Variants in ARMC9 observed in about 807,000 individuals in gnomAD.
ARMC9 encodes the protein lisH domain-containing protein ARMC9.
A neutral mutation model predicts 107.0 loss-of-function variants in ARMC9; 94 were observed. The ratio of observed to expected loss-of-function variants is 0.88; its 90% CI spans 0.74 to 1.04. The LOEUF is 1.04. Among genes scored for constraint, ARMC9 ranks in the 50% least tolerant of loss-of-function variants. The pLI, the probability that ARMC9 is intolerant of heterozygous loss-of-function variation, is 0.00. For missense variants in ARMC9, 942 were observed against 1,030.1 expected (o/e 0.91, Z 1.17); for synonymous variants, 380 against 396.9 (o/e 0.96, Z 0.51).
intron 19 of ARMC9, among the ~76,000 whole-genome samples, chr2:231,310,452 C>CA (rs397959849): frequency 2.2e-5 from 1 of 46,190 alleles, no homozygotes; most frequent in South Asian, 3.4e-4. Flanking sequence ...AAGCTATGGG[C>CA]GGGTGCAATG....
chr2:231,352,701 AGATAGAT>A (rs1321276075), intron 21 of ARMC9, among the ~76,000 whole-genome samples: 2 of 143,738 alleles, frequency 1.4e-5, no homozygotes, highest in Non-Finnish European at 3.0e-5. Context: ...ATAGATAGAT[AGATAGAT>A]GATAGGTAGG....
At chr2:231,238,994 G>A (rs2036024085) in intron 8 of ARMC9, among the ~76,000 whole-genome samples, 1 of 152,224 alleles carries the variant, frequency 6.6e-6, no homozygotes, top group Non-Finnish European at 1.5e-5. Context: ...GATGAGCAAG[G>A]GGTGGGAGAG....
intron 11 of ARMC9, among the ~76,000 whole-genome samples, chr2:231,259,358 G>A (rs2038126396): frequency 6.6e-6 from 1 of 152,210 alleles, no homozygotes; most frequent in Admixed American, 6.5e-5. Flanking sequence ...GCACCTGTGT[G>A]TAGCCCTTTC....
rs2046059153 is a variant in ARMC9 at position 231,372,493 on chromosome 2, C to G, written c.*958C>G. The G allele has an allele frequency of 6.6e-6, 1 of 152,426 alleles. No homozygotes were observed. The highest frequency in any genetic ancestry group is 2.4e-5 in the African/African-American group (1 of 41,572). The allele number at this position is 152,426 out of a possible 1,614,324, so 9.4% of individuals were successfully genotyped here. Reference sequence around the variant, plus strand: ...CCAGGGAGCACCCTCTGCCTCCCTCCCTGCACTGGGACCATAAACATAAAC... The same window carrying G: ...CCAGGGAGCACCCTCTGCCTCCCTCGCTGCACTGGGACCATAAACATAAAC... On this transcript the variant is annotated 3_prime_UTR_variant, in exon 25 of 25. Coordinates refer to ENST00000611582, the MANE Select transcript of ARMC9 (RefSeq NM_001352754.2).
At chr2:231,327,583 A>T (rs779206758) in intron 19 of ARMC9, among the ~76,000 whole-genome samples, 8 of 152,134 alleles carry the variant, frequency 5.3e-5, no homozygotes, top group Non-Finnish European at 1.2e-4. Flanking sequence ...CTCTTGTTGA[A>T]GGGCATCTAC....
At position 231,305,919 on chromosome 2, in the gene ARMC9, A is replaced by T. The variant is rs1455806866; in HGVS notation, c.1773+9666A>T. ...TCATCACTCATCAATATTTAAACAAACTCATCTTGTTTAAATAGTCAAATT... is the reference window on the plus strand; with the variant it reads ...TCATCACTCATCAATATTTAAACAATCTCATCTTGTTTAAATAGTCAAATT... On this transcript the variant is annotated intron_variant, in intron 19 of 24. Transcript: ENST00000611582. 2.0e-5 allele frequency among the ~76,000 whole-genome samples: 3 copies of T among 152,188 alleles called. No individual in the cohort carries two copies. The East Asian group carries it at 5.8e-4, about 29-fold the overall frequency.
At chr2:231,350,943 A>ATTTTTTTTTTT (rs2045041849) in intron 21 of ARMC9, among the ~76,000 whole-genome samples, 1 of 108,532 alleles carries the variant, frequency 9.2e-6, no homozygotes, top group African/African-American at 4.0e-5. Flanking sequence ...CAAAGTGACA[A>ATTTTTTTTTTT]TTCTTTTTTT....
chr2:231,353,978 T>TACAC (rs537007134), intron 21 of ARMC9, among the ~76,000 whole-genome samples: 21 of 138,302 alleles, frequency 1.5e-4, no homozygotes, highest in African/African-American at 4.1e-4. Flanking sequence ...TATATGTATA[T>TACAC]ATACACACAC....
At chr2:231,356,295 G>A (rs899315546) in intron 22 of ARMC9, among the ~76,000 whole-genome samples, 6 of 152,174 alleles carry the variant, frequency 3.9e-5, no homozygotes, top group African/African-American at 1.4e-4. Flanking sequence ...AAGGCCAGCC[G>A]CCTGCTGGAA....
At chr2:231,335,025 C>T (rs564192563) in intron 20 of ARMC9, among the ~76,000 whole-genome samples, 9 of 152,290 alleles carry the variant, frequency 5.9e-5, no homozygotes, top group African/African-American at 1.7e-4. Context: ...AAGATGTTGG[C>T]GTTTTGAAAC....
Position 231,358,148 on chromosome 2 carries a change from G to A in ARMC9, c.2131+2214G>A, listed in dbSNP as rs77584496. Among the ~76,000 whole-genome samples, 1,951 of 152,246 alleles carry A rather than the reference G, an allele frequency of 0.013. 45 individuals are homozygous for A. Among genetic ancestry groups the A allele is most frequent in the African/African-American group, 0.043 (1,796 of 41,524 alleles). On this transcript the variant is annotated intron_variant, in intron 22 of 24. Coordinates refer to ENST00000611582, the MANE Select transcript of ARMC9 (RefSeq NM_001352754.2). The surrounding 1 kb of genome is among the most constrained non-coding windows in gnomAD (Gnocchi z 4.5). ...GCTCCATCTGGGCTTTGCAGATAGG[G>A]GGACTGCGGTTAAGTCCATTAAGCC...
chr2:231,256,214 C>T, intron 9 of ARMC9: 1 of 1,529,730 alleles, frequency 6.5e-7, no homozygotes, highest in South Asian at 1.2e-5. Context: ...CGACACGAGC[C>T]GATCCATCAT....
chr2:231,342,045 G>A (rs2044547783), intron 20 of ARMC9, among the ~76,000 whole-genome samples: 1 of 152,212 alleles, frequency 6.6e-6, no homozygotes. Flanking sequence ...CAGGTTGTTG[G>A]ACAAGATACC....
rs552035047 is a variant in ARMC9 at position 231,316,953 on chromosome 2, G to A, written c.1774-14840G>A. 6.6e-5 allele frequency among the ~76,000 whole-genome samples: 10 copies of A among 152,216 alleles called. No individual in the cohort carries two copies. The South Asian group carries it at 1.7e-3, about 25-fold the overall frequency. On this transcript the variant is annotated intron_variant, in intron 19 of 24. Coordinates refer to ENST00000611582, the MANE Select transcript of ARMC9 (RefSeq NM_001352754.2). ...GACTTTTGTATTTTTGGTAGAGATG[G>A]GGTTTCACCATGTTGGCCAGGCTGG...
chr2:231,300,354 A>G (rs2041645732), intron 19 of ARMC9, among the ~76,000 whole-genome samples: 1 of 152,230 alleles, frequency 6.6e-6, no homozygotes, highest in Non-Finnish European at 1.5e-5. Context: ...GGGCCTCGAA[A>G]TAACACTATT....
At position 231,213,398 on chromosome 2, in the gene ARMC9, A is replaced by G. The variant is rs116144982; in HGVS notation, c.178-1433A>G. On this transcript the variant is annotated intron_variant, in intron 3 of 24. Transcript: ENST00000611582. ...AGGCTCGTCTTGAGCTCCTGGGCAA[A>G]CGATCTGCCCACTTTGGCCTTCCAA... is the stretch of plus-strand genomic sequence containing the variant. Among the ~76,000 whole-genome samples, 1,029 of 151,578 alleles carry G rather than the reference A, an allele frequency of 6.8e-3. 12 individuals are homozygous for G. Among genetic ancestry groups the G allele is most frequent in the African/African-American group, 0.024 (985 of 41,318 alleles).
chr2:231,329,134 TTC>T (rs2043548579), intron 19 of ARMC9, among the ~76,000 whole-genome samples: 1 of 150,402 alleles, frequency 6.6e-6, no homozygotes, highest in South Asian at 2.1e-4. Flanking sequence ...GTGTTTAATT[TTC>T]TTTGCCCTTT....
At chr2:231,341,527 G>A (rs1009412071) in intron 20 of ARMC9, among the ~76,000 whole-genome samples, 2 of 152,142 alleles carry the variant, frequency 1.3e-5, no homozygotes, top group Non-Finnish European at 2.9e-5. Flanking sequence ...CAGTTCTGTT[G>A]GTCAGGAAGG....
At chr2:231,225,841 T>G (rs746974204) in intron 6 of ARMC9, among the ~76,000 whole-genome samples, 2 of 152,194 alleles carry the variant, frequency 1.3e-5, no homozygotes, top group Non-Finnish European at 2.9e-5. Context: ...ACCATTGAAA[T>G]GTACACATTG....
Sources: allele counts gnomAD v4.1 joint callset (sites outside exome capture counted in the v4.1 genomes callset), GRCh38; gene constraint gnomAD v4.1.1; non-coding constraint Gnocchi (gnomAD v3.1); transcripts MANE v1.5; gene names NCBI Gene and HGNC (gene_info 2026-07-23, HGNC 2026-07-21).